Variants in PTK2 observed in about 807,000 individuals in gnomAD.
The protein encoded by PTK2 is focal adhesion kinase 1.
In PTK2, 45 loss-of-function variants were observed where a neutral mutation model predicts 150.1. The ratio of observed to expected loss-of-function variants is 0.30; its 90% CI spans 0.24 to 0.38. The LOEUF is 0.38. Among genes scored for constraint, PTK2 ranks in the 10% least tolerant of loss-of-function variants. PTK2 has a pLI of 1.00. For missense variants in PTK2, 919 were observed against 1,307.3 expected (o/e 0.70, Z 4.58); for synonymous variants, 432 against 449.2 (o/e 0.96, Z 0.48).
chr8:140,843,042 CGTAAGGTTTTGAAAGCCTTTAACACT>C lies in PTK2; in HGVS notation c.593+3192_593+3217del, dbSNP rs1400434287. ...TTTCACTGACCCCTGACAAAAACTG[CGTAAGGTTTTGAAAGCCTTTAACACT>C]GGTTAAAGCCCTAAGTTGTCCTCTT... On this transcript the variant is annotated intron_variant, in intron 7 of 31. Coordinates refer to ENST00000522684, the Ensembl canonical transcript of PTK2. Among the ~76,000 whole-genome samples, 7 of 152,160 alleles carry C rather than the reference CGTAAGGTTTTGAAAGCCTTTAACACT, an allele frequency of 4.6e-5. No individual in the cohort carries two copies. The East Asian group carries it at 1.4e-3, about 29-fold the overall frequency.
chr8:140,702,128 CAAAAAAAAAAAAAA>C lies in PTK2; in HGVS notation c.2367+428_2367+441del, dbSNP rs749591009. Among the ~76,000 whole-genome samples the C allele has an allele frequency of 7.0e-5, 3 of 42,714 alleles. No homozygotes were observed. In the East Asian group the frequency reaches 3.2e-3, roughly 46 times the overall value. The allele number at this position is 42,714 out of a possible 152,430, so 28.0% of individuals were successfully genotyped here. ...GGGAGACAGAGTAAGACTCTGTCTC[CAAAAAAAAAAAAAA>C]AAAAAAAAAAAGTCATTAAAATCAA... On this transcript the variant is annotated intron_variant, in intron 25 of 31. Coordinates refer to ENST00000522684, the Ensembl canonical transcript of PTK2.
chr8:140,797,989 G>A (rs1031524316), intron 12 of PTK2, among the ~76,000 whole-genome samples: 2 of 151,926 alleles, frequency 1.3e-5, no homozygotes, highest in Non-Finnish European at 2.9e-5. Context: ...AGTAACTATG[G>A]TAGATCAAAG....
chr8:140,952,974 C>T (rs544516637), intron 1 of PTK2, among the ~76,000 whole-genome samples: 25 of 152,268 alleles, frequency 1.6e-4, no homozygotes, highest in African/African-American at 5.1e-4. Context: ...GAACACCTTA[C>T]GCATATCTCA....
At chr8:140,862,326 CTT>C (rs574742562) in intron 5 of PTK2, among the ~76,000 whole-genome samples, 46 of 152,166 alleles carry the variant, frequency 3.0e-4, no homozygotes, top group East Asian at 9.6e-4. Flanking sequence ...TTTAAACTCT[CTT>C]GTTATCTCCT....
intron 1 of PTK2, among the ~76,000 whole-genome samples, chr8:140,927,975 A>AAAT: frequency 6.2e-4 from 30 of 48,188 alleles, no homozygotes; most frequent in African/African-American, 2.5e-3. Context: ...AAAAAAAAAA[A>AAAT]ATATATATAT....
chr8:140,686,737 T>G, intron 26 of PTK2, 43 bp from the exon 30 acceptor site: 1 of 1,513,202 alleles, frequency 6.6e-7, no homozygotes, highest in South Asian at 1.1e-5. Flanking sequence ...CATTTTTGAT[T>G]TGAAAATTTT....
rs565658944 is a variant in PTK2, at chr8:140,757,740, T to C, written c.1332+3425A>G. 2.0e-5 allele frequency among the ~76,000 whole-genome samples: 3 copies of C among 152,308 alleles called. No individual in the cohort carries two copies. In the South Asian group the frequency reaches 6.2e-4, roughly 32 times the overall value. ...CTCTGTTCACCTGCTACTATTCTAG[T>C]TCAAAGACAGTTTCTTGAGCAAGCA... On this transcript the variant is annotated intron_variant, in intron 16 of 31. Transcript: ENST00000522684.
intron 30 of PTK2, among the ~76,000 whole-genome samples, chr8:140,665,457 C>A (rs1219950608): frequency 1.3e-5 from 2 of 152,132 alleles, no homozygotes; most frequent in East Asian, 3.9e-4. Flanking sequence ...ACACCACTGC[C>A]CCGGATGCAA....
At chr8:140,895,744 G>C (rs565585503) in intron 2 of PTK2, among the ~76,000 whole-genome samples, 2 of 152,190 alleles carry the variant, frequency 1.3e-5, no homozygotes, top group South Asian at 2.1e-4. Flanking sequence ...ACCAAAAAAA[G>C]ATAAATGTTT....
chr8:140,677,322 T>TTTA (rs1554669085), intron 27 of PTK2, among the ~76,000 whole-genome samples: 4 of 152,124 alleles, frequency 2.6e-5, no homozygotes, highest in African/African-American at 9.7e-5. Context: ...GGACCTGTTG[T>TTTA]TATACCTCCA....
intron 14 of PTK2, 75 bp downstream of exon 14, chr8:140,789,399 T>C (rs1174011071): frequency 2.8e-6 from 4 of 1,416,544 alleles, no homozygotes; most frequent in East Asian, 2.4e-5. Flanking sequence ...GAAGCAATTA[T>C]ACTAAAAATA....
chr8:140,984,196 A>G (rs1427893851), intron 1 of PTK2: 2 of 153,592 alleles, frequency 1.3e-5, no homozygotes, highest in Non-Finnish European at 2.9e-5. Context: ...TAAGCATTAC[A>G]TAATCATGTA....
In PTK2 at chr8:140,714,471, AAAGG is replaced by A. The variant is rs1265675365; in HGVS notation, c.2142+3123_2142+3126del. On this transcript the variant is annotated intron_variant, in intron 23 of 31. Coordinates refer to ENST00000522684, the Ensembl canonical transcript of PTK2. ...ATCTTTATTTAAAAAAAAAAGAAAGAAAGGAAGGAAGGAAGAAATAAAAAAAAAA... is the reference window on the plus strand; with the variant it reads ...ATCTTTATTTAAAAAAAAAAGAAAGAAAGGAAGGAAGAAATAAAAAAAAAA... Among the ~76,000 whole-genome samples the A allele has an allele frequency of 6.6e-5, 10 of 151,436 alleles. 1 individual carries two copies. The highest frequency in any genetic ancestry group is 3.9e-4 in the East Asian group (2 of 5,168).
At chr8:140,740,874 G>C (rs923821856) in intron 20 of PTK2, among the ~76,000 whole-genome samples, 2 of 152,232 alleles carry the variant, frequency 1.3e-5, no homozygotes, top group African/African-American at 2.4e-5. Context: ...TGGGCACAGT[G>C]GCTCATGCCT....
chr8:140,902,304 G>A lies in PTK2; in HGVS notation c.-32-11535C>T, dbSNP rs1182154201. Among the ~76,000 whole-genome samples, 3 of 152,086 alleles carry A rather than the reference G, an allele frequency of 2.0e-5. No individual in the cohort carries two copies. The East Asian group carries it at 5.8e-4, about 29-fold the overall frequency. ...CACGCCTCGGCCTCCAAAAGTACTG[G>A]GATTACAGGCGTGAGCCACCGTGCC... On this transcript the variant is annotated intron_variant, in intron 2 of 31. Coordinates refer to ENST00000522684, the Ensembl canonical transcript of PTK2.
intron 3 of PTK2, among the ~76,000 whole-genome samples, chr8:140,887,907 A>G (rs1449846338): frequency 1.3e-5 from 2 of 152,198 alleles, no homozygotes; most frequent in South Asian, 2.1e-4. Flanking sequence ...CAACAACTGC[A>G]CATGGCTACG....
At chr8:140,830,188 GA>G (rs1473795779) in intron 8 of PTK2, among the ~76,000 whole-genome samples, 2 of 152,056 alleles carry the variant, frequency 1.3e-5, no homozygotes, top group African/African-American at 4.8e-5. Flanking sequence ...TTTAGCCTGT[GA>G]AGACCTAGAT....
chr8:140,984,294 T>G (rs11781807), intron 1 of PTK2: 69,404 of 152,410 alleles, frequency 0.46, 16,708 homozygotes, highest in Non-Finnish European at 0.55. Flanking sequence ...TGACCCCAAC[T>G]CCATGCCCTT....
chr8:140,954,064 G>A (rs1024586185), intron 1 of PTK2, among the ~76,000 whole-genome samples: 1 of 151,330 alleles, frequency 6.6e-6, no homozygotes, highest in African/African-American at 2.4e-5. Context: ...ACCTCCTCCT[G>A]TGGAGGTTCA....
Sources: allele counts gnomAD v4.1 joint callset (sites outside exome capture counted in the v4.1 genomes callset), GRCh38; gene constraint gnomAD v4.1.1; transcripts MANE v1.5; gene names NCBI Gene and HGNC (gene_info 2026-07-23, HGNC 2026-07-21).